POLR3B: variants seen among roughly 807,000 people sequenced by gnomAD.
POLR3B encodes DNA-directed RNA polymerase III subunit RPC2.
A neutral mutation model predicts 147.4 loss-of-function variants in POLR3B; 96 were observed. The ratio of observed to expected loss-of-function variants is 0.65; its 90% confidence interval spans 0.55 to 0.77. The LOEUF (loss-of-function observed/expected upper bound fraction) is 0.77, where lower values mean the gene tolerates loss of function less well. POLR3B is among the 30% of genes least tolerant of loss of function. The pLI is 0.00. For missense variants in POLR3B, 1,036 were observed against 1,413.5 expected, an observed-to-expected ratio of 0.73 and a Z score of 4.28; for synonymous variants, 461 against 485.9, an observed-to-expected ratio of 0.95 and a Z score of 0.67.
intron 12 of POLR3B, among the ~76,000 whole-genome samples, chr12:106,418,671 G>A (rs566153140): frequency 3.7e-4 from 56 of 152,222 alleles, no homozygotes; most frequent in Admixed American, 2.4e-3. Flanking sequence ...TTACTCTCCT[G>A]TCTTAAACAG....
intron 19 of POLR3B, among the ~76,000 whole-genome samples, chr12:106,451,175 T>C (rs1369199945): frequency 6.6e-6 from 1 of 151,994 alleles, no homozygotes; most frequent in East Asian, 1.9e-4. Context: ...GAGGGATCTT[T>C]TGGGGGTTAG....
rs576844713 is a variant in POLR3B, at chr12:106,387,510, C to T, written c.724-5521C>T. 8.7e-4 allele frequency among the ~76,000 whole-genome samples: 132 copies of T among 152,150 alleles called. 2 individuals are homozygous for T. The highest frequency in any genetic ancestry group is 4.7e-4 in the Non-Finnish European group (32 of 68,024). On this transcript the variant is annotated intron_variant, in intron 9 of 27. Coordinates refer to ENST00000228347, the MANE Select transcript of POLR3B (RefSeq NM_018082.6). The stretch of plus-strand genomic sequence containing the variant: ...CATGTTGCCAATTATTTTCCTGAAA[C>T]GTATCCACTACATTCTAATCAGTAA...
intron 7 of POLR3B, 133 bp downstream of exon 7, chr12:106,376,583 G>A: frequency 1.4e-6 from 1 of 714,560 alleles, no homozygotes; most frequent in Non-Finnish European, 2.5e-6. Flanking sequence ...AAAACACCCA[G>A]AAATTTGTCT....
chr12:106,465,888 G>A (rs1051832274), intron 23 of POLR3B, among the ~76,000 whole-genome samples: 2 of 152,100 alleles, frequency 1.3e-5, no homozygotes, highest in Admixed American at 1.3e-4. Context: ...TTGGTTCCAA[G>A]TCTTTACTAT....
chr12:106,442,173 TG>T (rs1349377540), intron 18 of POLR3B, among the ~76,000 whole-genome samples: 1 of 151,978 alleles, frequency 6.6e-6, no homozygotes, highest in Non-Finnish European at 1.5e-5. Flanking sequence ...TTTTTTTTTT[TG>T]TAAAGTCAGA....
At chr12:106,362,977 A>G (rs1380969034) in intron 1 of POLR3B, among the ~76,000 whole-genome samples, 6 of 151,996 alleles carry the variant, frequency 3.9e-5, no homozygotes, top group African/African-American at 1.4e-4. Flanking sequence ...CCGTCATCAT[A>G]GATTAGCTTT....
intron 9 of POLR3B, among the ~76,000 whole-genome samples, chr12:106,391,149 C>T (rs1287992466): frequency 6.6e-6 from 1 of 152,198 alleles, no homozygotes; most frequent in African/African-American, 2.4e-5. Context: ...AACTCACCCC[C>T]ATGGCAGTTG....
intron 23 of POLR3B, among the ~76,000 whole-genome samples, chr12:106,481,085 C>A (rs1277801615): frequency 6.6e-6 from 1 of 152,170 alleles, no homozygotes; most frequent in Non-Finnish European, 1.5e-5. Flanking sequence ...AATAGAAGAC[C>A]AGCAAGGAGG....
chr12:106,460,808 T>C (rs535675991), intron 22 of POLR3B, among the ~76,000 whole-genome samples: 2 of 152,222 alleles, frequency 1.3e-5, no homozygotes, highest in Non-Finnish European at 2.9e-5. Flanking sequence ...TGTTTCCTAT[T>C]GATTCCTTCT....
In POLR3B at chr12:106,410,788, C is replaced by T. The variant is rs763153707; in HGVS notation, c.967-38C>T. 82 of 1,595,638 alleles carry T rather than the reference C, an allele frequency of 5.1e-5. 1 individual carries two copies. Among genetic ancestry groups the T allele is most frequent in the South Asian group, 2.8e-4 (25 of 90,602 alleles). On this transcript the variant is annotated intron_variant, in intron 11 of 27. Coordinates refer to ENST00000228347, the MANE Select transcript of POLR3B (RefSeq NM_018082.6). ...TTGAGGTACGTTAAATTTTAATGTC[C>T]ATTTTCTCAAAATTTTTCTCCAATT... is the stretch of plus-strand genomic sequence containing the variant.
At chr12:106,477,992 C>A (rs1332126217) in intron 23 of POLR3B, among the ~76,000 whole-genome samples, 1 of 149,590 alleles carries the variant, frequency 6.7e-6, no homozygotes. Context: ...GCAACCTCCA[C>A]CTCCCGGGTT....
chr12:106,411,684 A>G (rs936456248), intron 12 of POLR3B, among the ~76,000 whole-genome samples: 6 of 152,208 alleles, frequency 3.9e-5, no homozygotes, highest in Non-Finnish European at 7.3e-5. Flanking sequence ...GAGAGACAAT[A>G]ATCAAGGAAA....
intron 11 of POLR3B, among the ~76,000 whole-genome samples, chr12:106,408,688 T>G (rs2037181420): frequency 6.6e-6 from 1 of 152,200 alleles, no homozygotes; most frequent in South Asian, 2.1e-4. Context: ...TAGTCCTTTT[T>G]TCTCCCCCTC....
At chr12:106,364,861 C>T (rs1362142529) in intron 2 of POLR3B, among the ~76,000 whole-genome samples, 5 of 152,182 alleles carry the variant, frequency 3.3e-5, no homozygotes, top group East Asian at 3.9e-4. Context: ...TGAGGCCGGG[C>T]GCGGTGGCTC....
At chr12:106,362,808 A>G (rs1378899612) in intron 1 of POLR3B, among the ~76,000 whole-genome samples, 1 of 152,012 alleles carries the variant, frequency 6.6e-6, no homozygotes, top group African/African-American at 2.4e-5. Context: ...TCATTCTTCT[A>G]TTTTTAAATT....
intron 18 of POLR3B, among the ~76,000 whole-genome samples, chr12:106,443,053 A>G (rs938973182): frequency 5.3e-5 from 8 of 152,224 alleles, no homozygotes; most frequent in African/African-American, 1.7e-4. Flanking sequence ...TATAACCTCA[A>G]ACTTTCTAAT....
intron 25 of POLR3B, among the ~76,000 whole-genome samples, chr12:106,497,845 A>G (rs945546532): frequency 2.4e-4 from 36 of 152,206 alleles, no homozygotes; most frequent in East Asian, 1.9e-4. Flanking sequence ...ATTTAAAACT[A>G]TAACCCCATA....
At chr12:106,390,352 C>T (rs1300954548) in intron 9 of POLR3B, among the ~76,000 whole-genome samples, 1 of 150,622 alleles carries the variant, frequency 6.6e-6, no homozygotes, top group Admixed American at 6.6e-5. Flanking sequence ...ATTTAAACAC[C>T]AAAGAAAGGA....
intron 7 of POLR3B, among the ~76,000 whole-genome samples, chr12:106,377,923 AC>A (rs1171513490): frequency 6.6e-6 from 1 of 152,122 alleles, no homozygotes; most frequent in Non-Finnish European, 1.5e-5. Flanking sequence ...CCCTGTTGTT[AC>A]AAAAAATTTA....
Sources: gnomAD v4.1 joint callset for allele counts (sites outside exome capture counted in the v4.1 genomes callset) on GRCh38, gnomAD v4.1.1 for gene constraint, MANE v1.5 for transcripts, NCBI Gene and HGNC (gene_info 2026-07-23, HGNC 2026-07-21) for gene names.